SETD5: variants seen among roughly 807,000 people sequenced by gnomAD.
SETD5 encodes histone-lysine N-methyltransferase SETD5.
A neutral mutation model predicts 153.3 loss-of-function variants in SETD5; 44 were observed. The observed-to-expected ratio is 0.29, with a 90% confidence interval of 0.23 to 0.37. The LOEUF is 0.37. Ranked by LOEUF, SETD5 falls within the 10% of genes least tolerant of loss-of-function variation. SETD5 has a pLI of 1.00. For missense variants in SETD5, 1,544 were observed against 1,768.0 expected (o/e 0.87, Z 2.27); for synonymous variants, 716 against 645.2 (o/e 1.11, Z -1.66).
Position 9,434,981 on chromosome 3 carries a change from A to G in SETD5, c.388+99A>G. 1 of 1,400,150 alleles carries G rather than the reference A, an allele frequency of 7.1e-7. No individual in the cohort carries two copies. The highest frequency in any genetic ancestry group is 1.4e-5 in the South Asian group (1 of 73,012). The allele number at this position is 1,400,150 out of a possible 1,614,324, so 86.7% of individuals were successfully genotyped here. A position where few individuals can be genotyped will look rare whatever the true frequency, so the allele number is the denominator to read the frequency against. ...CCCTCTTGGCCAGGCGCAGTGGCTT[A>G]CGCCTGTAATCTCACCACTTAGGGA... On this transcript the variant is annotated intron_variant, in intron 6 of 22. Coordinates refer to ENST00000402198, the MANE Select transcript of SETD5 (RefSeq NM_001080517.3). The surrounding 1 kb of genome is among the most constrained non-coding windows in gnomAD (Gnocchi z 5.6).
At chr3:9,457,742 C>CT (rs756557755) in intron 17 of SETD5, among the ~76,000 whole-genome samples, 1,787 of 129,364 alleles carry the variant, frequency 0.014, 13 homozygotes, top group Non-Finnish European at 0.022. Context: ...ATTTCTTTTT[C>CT]TTTTTTTTTT....
chr3:9,425,382 G>A (rs913879269), intron 2 of SETD5, among the ~76,000 whole-genome samples: 1 of 151,942 alleles, frequency 6.6e-6, no homozygotes, highest in African/African-American at 2.4e-5. Context: ...GTTTCTTAAG[G>A]ATTCATCAAC....
intron 1 of SETD5, among the ~76,000 whole-genome samples, chr3:9,416,728 C>T (rs891402850): frequency 8.6e-5 from 13 of 152,008 alleles, no homozygotes; most frequent in Non-Finnish European, 1.6e-4. Context: ...TATCCTTATA[C>T]CCATTATAAG....
chr3:9,434,296 C>T lies in SETD5; in HGVS notation c.178-38C>T. On this transcript the variant is annotated intron_variant, in intron 4 of 22. Transcript: ENST00000402198. The surrounding 1 kb of genome is among the most constrained non-coding windows in gnomAD (Gnocchi z 5.6). ...TTTCAGGATCATAATTACGGAGCCCCTCCTCCTCCGACACCTCCTGCTTCT... is the reference window on the plus strand; with the variant it reads ...TTTCAGGATCATAATTACGGAGCCCTTCCTCCTCCGACACCTCCTGCTTCT... The T allele has an allele frequency of 1.2e-6, 2 of 1,611,600 alleles. No individual in the cohort carries two copies. The highest frequency in any genetic ancestry group is 1.7e-6 in the Non-Finnish European group (2 of 1,177,816).
At chr3:9,468,673 T>C in intron 18 of SETD5, 1 of 1,109,438 alleles carries the variant, frequency 9.0e-7, no homozygotes, top group South Asian at 1.3e-5. Context: ...TCTGAGTCAG[T>C]GGGGTGATGG....
chr3:9,432,217 C>T (rs1402696896), intron 3 of SETD5: 1 of 867,300 alleles, frequency 1.2e-6, no homozygotes, highest in African/African-American at 1.8e-5. Flanking sequence ...AAAATGCATG[C>T]ACCTCACTAA....
intron 1 of SETD5, among the ~76,000 whole-genome samples, chr3:9,411,257 A>G (rs1011174706): frequency 1.3e-5 from 2 of 152,134 alleles, no homozygotes; most frequent in African/African-American, 4.8e-5. Flanking sequence ...CATTTCTTGA[A>G]TGGTTTGCCC....
chr3:9,459,571 C>T (rs1256744193), intron 17 of SETD5, among the ~76,000 whole-genome samples: 3 of 151,252 alleles, frequency 2.0e-5, no homozygotes, highest in African/African-American at 7.3e-5. Flanking sequence ...GAGATCCAGA[C>T]CATCCTGGCT....
chr3:9,425,051 G>GTTTTTTTTTTGT (rs1559380190), intron 2 of SETD5, among the ~76,000 whole-genome samples: 1 of 91,454 alleles, frequency 1.1e-5, no homozygotes, highest in Non-Finnish European at 2.2e-5. Flanking sequence ...TACCGACAAT[G>GTTTTTTTTTTGT]TTTCTTTTTT....
intron 18 of SETD5, among the ~76,000 whole-genome samples, chr3:9,469,426 C>A (rs1367470891): frequency 6.6e-6 from 1 of 152,204 alleles, no homozygotes; most frequent in African/African-American, 2.4e-5. Context: ...TGAACTTTAA[C>A]CCTATCCCCT....
intron 1 of SETD5, among the ~76,000 whole-genome samples, chr3:9,412,404 T>G (rs1231430372): frequency 7.0e-5 from 10 of 142,222 alleles, no homozygotes; most frequent in South Asian, 2.3e-4. Flanking sequence ...TTTTTTTTTT[T>G]TTTTTTTTTT....
chr3:9,422,063 A>G (rs763042134), intron 1 of SETD5, among the ~76,000 whole-genome samples: 1 of 152,194 alleles, frequency 6.6e-6, no homozygotes, highest in Non-Finnish European at 1.5e-5. Context: ...ATAATTTTAT[A>G]ATACTGTGTG....
At chr3:9,466,852 A>C (rs562469507) in intron 18 of SETD5, among the ~76,000 whole-genome samples, 1 of 152,236 alleles carries the variant, frequency 6.6e-6, no homozygotes, top group East Asian at 1.9e-4. Context: ...TCGTGAGACC[A>C]CATTTCTGCA....
In SETD5 at chr3:9,475,669, G is replaced by A. The variant is rs377060727; in HGVS notation, c.3907G>A (p.Ala1303Thr). 6.0e-5 allele frequency: 97 copies of A among 1,613,518 alleles called. No individual in the cohort carries two copies. Among genetic ancestry groups the A allele is most frequent in the Non-Finnish European group, 7.0e-5 (82 of 1,179,836 alleles). ...SLSSTSYSSP[A>T]HPVSTDSLAP... Reference sequence around the variant, plus strand: ...CTCTTCCACGTCCTATTCCAGCCCCGCCCACCCTGTGTCCACAGACTCGTT... The same window carrying A: ...CTCTTCCACGTCCTATTCCAGCCCCACCCACCCTGTGTCCACAGACTCGTT... Residue 1303 changes from alanine (A) to threonine (T), a missense_variant, in exon 23 of 23, where the codon GCC (alanine) becomes ACC (threonine). Ala to Thr is a moderately conservative substitution (Grantham distance 58). Transcript: ENST00000402198.
At chr3:9,418,150 G>C (rs1456529752) in intron 1 of SETD5, among the ~76,000 whole-genome samples, 1 of 146,758 alleles carries the variant, frequency 6.8e-6, no homozygotes, top group African/African-American at 2.5e-5. Flanking sequence ...GAGTTTCACC[G>C]TGTTAGCCAC....
Position 9,442,944 on chromosome 3 carries a change from A to G in SETD5, c.1078-364A>G, listed in dbSNP as rs79149113. On this transcript the variant is annotated intron_variant, in intron 10 of 22. Coordinates refer to ENST00000402198, the MANE Select transcript of SETD5 (RefSeq NM_001080517.3). ...ATTCCCAGGTACTCAGGAGGCTGAG[A>G]CAGGAGAATTGCTTGAACCCGGGAG... 12 of 190,132 alleles carry G rather than the reference A, an allele frequency of 6.3e-5. No homozygotes were observed. The East Asian group carries it at 1.0e-3, about 16-fold the overall frequency. The allele number at this position is 190,132 out of a possible 1,614,324, so 11.8% of individuals were successfully genotyped here. A position where few individuals can be genotyped will look rare whatever the true frequency, so the allele number is the denominator to read the frequency against.
At chr3:9,468,639 TGA>T (rs1229553432) in intron 18 of SETD5, 2 of 1,282,894 alleles carry the variant, frequency 1.6e-6, no homozygotes, top group Non-Finnish European at 2.1e-6. Flanking sequence ...AATGTGTTCC[TGA>T]GTGTGTGGGG....
Position 9,464,691 on chromosome 3 carries a change from C to T in SETD5, c.2724+19C>T, listed in dbSNP as rs1313114780. 6.2e-7 allele frequency: 1 copy of T among 1,613,828 alleles called. No individual in the cohort carries two copies. Among genetic ancestry groups the T allele is most frequent in the Non-Finnish European group, 8.5e-7 (1 of 1,179,872 alleles). Reference sequence around the variant, plus strand: ...GTTTGAGGTGATTTGGGTTTGGTTGCTGGGAGTGCTGGATATGAAAATCAT... The same window carrying T: ...GTTTGAGGTGATTTGGGTTTGGTTGTTGGGAGTGCTGGATATGAAAATCAT... On this transcript the variant is annotated intron_variant, in intron 18 of 22. Coordinates refer to ENST00000402198, the MANE Select transcript of SETD5 (RefSeq NM_001080517.3).
chr3:9,431,379 C>T (rs1189378665), intron 3 of SETD5: 12 of 984,738 alleles, frequency 1.2e-5, no homozygotes, highest in African/African-American at 1.7e-5. Flanking sequence ...GAGAAGAAAG[C>T]CTGTAATTAC....
Sources: gnomAD v4.1 joint callset for allele counts (sites outside exome capture counted in the v4.1 genomes callset) on GRCh38, gnomAD v4.1.1 for gene constraint, Gnocchi (gnomAD v3.1) non-coding constraint, MANE v1.5 for transcripts, NCBI Gene and HGNC (gene_info 2026-07-23, HGNC 2026-07-21) for gene names.